Variants in CDHR5 observed in about 807,000 individuals in gnomAD.
CDHR5 encodes the protein cadherin related family member 5, also known as cadherin-related family member 5.
Under a neutral mutation model 69.5 loss-of-function variants are expected in CDHR5, and 82 were observed. The observed-to-expected ratio is 1.18, with a 90% CI of 0.99 to 1.42. The LOEUF (loss-of-function observed/expected upper bound fraction) is 1.42. CDHR5 is among the 40% of genes most tolerant of loss of function. The pLI is 0.00. For missense variants in CDHR5, 1,293 were observed against 1,168.9 expected (o/e 1.11, Z -1.55); for synonymous variants, 601 against 510.2 (o/e 1.18, Z -2.40).
chr11:621,643 G>A lies in CDHR5; in HGVS notation c.426C>T (p.Thr142=), dbSNP rs374442023. The A allele has an allele frequency of 2.8e-5, 45 of 1,613,360 alleles. No individual in the cohort carries two copies. In the African/African-American group the frequency reaches 3.9e-4, roughly 14 times the overall value. ...RVEEDTKVNS[T]VIPETQLQAE... ...CCTGCAGTTGCGTCTCGGGGATGAC[G>A]GTGGAGTTCACTTTCGTGTCCTGGG... The change falls in exon 5 of 15, where the codon ACC becomes ACT. Residue 142 remains threonine, a synonymous_variant. Transcript: ENST00000397542. The surrounding 1 kb of genome is among the most constrained non-coding windows in gnomAD (Gnocchi z 4.4).
chr11:619,266 T>A (rs757707044), intron 12 of CDHR5, 40 bp downstream of exon 12: 1 of 1,530,998 alleles, frequency 6.5e-7, no homozygotes, highest in Non-Finnish European at 9.0e-7. Flanking sequence ...AGGGGCTTAT[T>A]TGGAGAACCC....
rs1243459200 is a variant in CDHR5 at position 617,266 on chromosome 11, C to T, written c.*85G>A. ...ACGCCATGGCCTGGGTTTCGGGAGC[C>T]TTGCTTTATTCTGCCTCGGGTCGGA... On this transcript the variant is annotated 3_prime_UTR_variant, in exon 15 of 15. Coordinates refer to ENST00000397542, the MANE Select transcript of CDHR5 (RefSeq NM_021924.5). 8.6e-7 allele frequency: 1 copy of T among 1,158,034 alleles called. No homozygotes were observed. The highest frequency in any genetic ancestry group is 1.6e-5 in the African/African-American group (1 of 64,122). 71.7% of individuals were successfully genotyped at this position (1,158,034 alleles called of 1,614,324 possible). A position where few individuals can be genotyped will look rare whatever the true frequency, so the allele number is the denominator to read the frequency against.
Position 619,560 on chromosome 11 carries a change from T to A in CDHR5, c.1207A>T (p.Ile403Phe), listed in dbSNP as rs767520123. The A allele has an allele frequency of 6.2e-7, 1 of 1,613,880 alleles. No individual in the cohort carries two copies. Residue 403 changes from isoleucine (I) to phenylalanine (F), a missense_variant, in exon 11 of 15, where the codon ATT becomes TTT. Physicochemically the swap from Ile to Phe is conservative, Grantham distance 21 (BLOSUM62 0). Coordinates refer to ENST00000397542, the MANE Select transcript of CDHR5 (RefSeq NM_021924.5). The stretch of plus-strand genomic sequence containing the variant: ...ATCCGGAAGTGTGAGTGGTTGGTAA[T>A]TCGATATGTGATGGCCGAGTTGAGG... ...SDLNSAITYR[I>F]TNHSHFRMEG...
intron 13 of CDHR5, 121 bp downstream of exon 13, chr11:618,478 A>G (rs545734236): frequency 8.2e-7 from 1 of 1,217,120 alleles, no homozygotes; most frequent in African/African-American, 1.5e-5. Flanking sequence ...AGTCCCAAAC[A>G]GACTCCTCTT....
At position 620,380 on chromosome 11, in the gene CDHR5, G is replaced by A. The variant is rs990187520; in HGVS notation, c.796C>T (p.Pro266Ser). 2 of 1,604,606 alleles carry A rather than the reference G, an allele frequency of 1.2e-6. No homozygotes were observed. The highest frequency in any genetic ancestry group is 1.7e-6 in the Non-Finnish European group (2 of 1,173,896). ...AVPTGHILPS[P>S]LVLRPGPIYA... ...ATGGGTCCGGGACGCAGGACGAGGG[G>A]AGATGGCTTCAGGGATGGCGGAAGG... Residue 266 changes from proline to serine, a missense_variant, in exon 8 of 15, where the codon CCC becomes TCC. Coordinates refer to ENST00000397542, the MANE Select transcript of CDHR5 (RefSeq NM_021924.5).
Position 617,299 on chromosome 11 carries a change from G to A in CDHR5, c.*52C>T. 1 of 1,375,368 alleles carries A rather than the reference G, an allele frequency of 7.3e-7. No individual in the cohort carries two copies. 85.2% of individuals were successfully genotyped at this position (1,375,368 alleles called of 1,614,324 possible). A position where few individuals can be genotyped will look rare whatever the true frequency, so the allele number is the denominator to read the frequency against. The stretch of plus-strand genomic sequence containing the variant: ...ATTCTGCCTCGGGTCGGAGGCTGGG[G>A]GAGCGAGACCTCCAGTGCCCGTGCG... On this transcript the variant is annotated 3_prime_UTR_variant, in exon 15 of 15. Transcript: ENST00000397542.
intron 9 of CDHR5, 63 bp downstream of exon 9, chr11:620,004 C>T: frequency 1.1e-6 from 1 of 894,314 alleles, no homozygotes; most frequent in East Asian, 2.7e-5. Flanking sequence ...CCAGCCCTGA[C>T]CCCCCGCCCT....
In CDHR5 at chr11:620,286, C is replaced by T. The variant is rs1294491952; in HGVS notation, c.880+10G>A. ...GTACAGGGCATTGTTGAGGGCTGGG[C>T]CCCACTCACCCCTAAAGATGCTGTA... On this transcript the variant is annotated intron_variant, in intron 8 of 14. Transcript: ENST00000397542. The T allele has an allele frequency of 6.2e-7, 1 of 1,604,802 alleles. No individual in the cohort carries two copies.
chr11:623,613 C>G (rs993500091), intron 3 of CDHR5, among the ~76,000 whole-genome samples: 2 of 151,838 alleles, frequency 1.3e-5, no homozygotes, highest in African/African-American at 4.8e-5. Context: ...AGTGGAGCCT[C>G]TGCACAGTAT....
chr11:620,484 G>T, intron 7 of CDHR5, 98 bp from the exon 8 acceptor site: 1 of 804,058 alleles, frequency 1.2e-6, no homozygotes, highest in Non-Finnish European at 2.0e-6. Flanking sequence ...GTTGGCTGAG[G>T]AGGGGCCCAG....
chr11:618,638 A>C lies in CDHR5; in HGVS notation c.1921T>G (p.Ser641Ala). The C allele has an allele frequency of 6.2e-7, 1 of 1,612,478 alleles. No individual in the cohort carries two copies. The highest frequency in any genetic ancestry group is 1.1e-5 in the South Asian group (1 of 90,866). The stretch of plus-strand genomic sequence containing the variant: ...CTCTTGCTGAGGGGCATCGGCTGAG[A>C]GGTTCCTGGCTCTGGGGTCTGTGCT... ...GTAQTPEPGT[S>A]QPMPLSKSTP... Residue 641 changes from serine to alanine, a missense_variant, in exon 13 of 15, where the codon TCT (serine) becomes GCT (alanine). Physicochemically the swap from Ser to Ala is moderately conservative, Grantham distance 99. Coordinates refer to ENST00000397542, the MANE Select transcript of CDHR5 (RefSeq NM_021924.5).
chr11:618,639 G>A lies in CDHR5; in HGVS notation c.1920C>T (p.Thr640=). The A allele has an allele frequency of 6.2e-7, 1 of 1,612,596 alleles. No individual in the cohort carries two copies. Among genetic ancestry groups the A allele is most frequent in the Non-Finnish European group, 8.5e-7 (1 of 1,178,898 alleles). The change falls in exon 13 of 15, where the codon ACC becomes ACT. Residue 640 remains threonine (T), a synonymous_variant. Coordinates refer to ENST00000397542, the MANE Select transcript of CDHR5 (RefSeq NM_021924.5). ...GGTAQTPEPG[T]SQPMPLSKST... is the part of the protein sequence containing the mutation. Reference sequence around the variant, plus strand: ...TCTTGCTGAGGGGCATCGGCTGAGAGGTTCCTGGCTCTGGGGTCTGTGCTG... The same window carrying A: ...TCTTGCTGAGGGGCATCGGCTGAGAAGTTCCTGGCTCTGGGGTCTGTGCTG...
Position 619,104 on chromosome 11 carries a change from A to AG in CDHR5, c.1454dup (p.Glu486Ter), listed in dbSNP as rs1857189420. ...TCGTGGAGGGTCCCTGGGAGGGCTC[A>AG]GGGGGTCTGGGGACCTCGGAAGTGG... On this transcript the variant is annotated frameshift_variant, in exon 13 of 15. Transcript: ENST00000397542. LOFTEE classifies it high-confidence loss of function. The AG allele has an allele frequency of 6.2e-7, 1 of 1,607,414 alleles. No homozygotes were observed. The highest frequency in any genetic ancestry group is 8.5e-7 in the Non-Finnish European group (1 of 1,177,856).
Position 617,313 on chromosome 11 carries a change from A to G in CDHR5, c.*38T>C. 1 of 1,488,602 alleles carries G rather than the reference A, an allele frequency of 6.7e-7. No homozygotes were observed. 92.2% of individuals were successfully genotyped at this position (1,488,602 alleles called of 1,614,324 possible). On this transcript the variant is annotated 3_prime_UTR_variant, in exon 15 of 15. Coordinates refer to ENST00000397542, the MANE Select transcript of CDHR5 (RefSeq NM_021924.5). ...CGGAGGCTGGGGGAGCGAGACCTCC[A>G]GTGCCCGTGCGGCTGGGGGAGAGGG...
In CDHR5 at chr11:617,183, G is replaced by A. The variant is rs1023259258; in HGVS notation, c.*168C>T. 5 of 614,724 alleles carry A rather than the reference G, an allele frequency of 8.1e-6. No homozygotes were observed. Among genetic ancestry groups the A allele is most frequent in the Admixed American group, 3.0e-5 (1 of 33,632 alleles). The allele number at this position is 614,724 out of a possible 1,614,324, so 38.1% of individuals were successfully genotyped here. Reference sequence around the variant, plus strand: ...CTCATCTGCACACCTGGGCTCAAGCGCTAATGACGACAGGGGACTGAGTGA... The same window carrying A: ...CTCATCTGCACACCTGGGCTCAAGCACTAATGACGACAGGGGACTGAGTGA... On this transcript the variant is annotated 3_prime_UTR_variant, in exon 15 of 15. Transcript: ENST00000397542.
Position 621,819 on chromosome 11 carries a change from A to C in CDHR5, c.398T>G (p.Val133Gly). ...EFPFKTKEIR[V>G]EEDTKVNSTV... Reference sequence around the variant, plus strand: ...CGGCTTCGCTGGCCTCACCTCCTCCACCCTTATCTCCTTGGTCTTAAAGGG... The same window carrying C: ...CGGCTTCGCTGGCCTCACCTCCTCCCCCCTTATCTCCTTGGTCTTAAAGGG... The change falls in exon 4 of 15, where the codon GTG becomes GGG. Residue 133 changes from valine (V) to glycine (G), a missense_variant. By Grantham distance (109) the Val-to-Gly change is moderately radical. Transcript: ENST00000397542. This position sits in a 1 kb window ranked among gnomAD's most constrained non-coding sequence, Gnocchi z 4.4. 3 of 1,611,756 alleles carry C rather than the reference A, an allele frequency of 1.9e-6. No homozygotes were observed. Among genetic ancestry groups the C allele is most frequent in the Non-Finnish European group, 2.5e-6 (3 of 1,178,938 alleles).
In CDHR5 at chr11:621,304, C is replaced by T; in HGVS notation, c.618+41G>A. The T allele has an allele frequency of 1.9e-6, 3 of 1,611,496 alleles. No individual in the cohort carries two copies. The highest frequency in any genetic ancestry group is 2.5e-6 in the Non-Finnish European group (3 of 1,178,516). On this transcript the variant is annotated intron_variant, in intron 6 of 14. Coordinates refer to ENST00000397542, the MANE Select transcript of CDHR5 (RefSeq NM_021924.5). The surrounding 1 kb of genome is among the most constrained non-coding windows in gnomAD (Gnocchi z 4.4). ...CCTGGGAGCAGCTGGGGCCGGGGGG[C>T]CTCAAGTGTGTGGGACTCGGGGCTG... is the stretch of plus-strand genomic sequence containing the variant.
chr11:618,725 G>C lies in CDHR5; in HGVS notation c.1834C>G (p.Pro612Ala), dbSNP rs1376709005. The C allele has an allele frequency of 1.3e-6, 2 of 1,599,752 alleles. No homozygotes were observed. Among genetic ancestry groups the C allele is most frequent in the South Asian group, 1.1e-5 (1 of 89,848 alleles). The change falls in exon 13 of 15, where the codon CCG becomes GCG. Residue 612 changes from proline to alanine, a missense_variant. By Grantham distance (27) the Pro-to-Ala change is conservative (BLOSUM62 -1). Transcript: ENST00000397542. ...AQTPEAGTSQ[P>A]MPPGMGTSTS... is the part of the protein sequence containing the mutation. ...CTGGTTCCCATACCGGGGGGCATCG[G>C]CTGAGAGGTTCCTGCCTCTGGGGTC... is the stretch of plus-strand genomic sequence containing the variant.
rs776997889 is a variant in CDHR5, at chr11:617,425, C to T, written c.2464G>A (p.Gly822Ser). 60 of 1,612,166 alleles carry T rather than the reference C, an allele frequency of 3.7e-5. No homozygotes were observed. The highest frequency in any genetic ancestry group is 1.5e-4 in the South Asian group (14 of 91,044). The change falls in exon 15 of 15, where the codon GGC (glycine) becomes AGC (serine). Residue 822 changes from glycine to serine, a missense_variant. By Grantham distance (56) the Gly-to-Ser change is moderately conservative (BLOSUM62 0). Coordinates refer to ENST00000397542, the MANE Select transcript of CDHR5 (RefSeq NM_021924.5). The part of the protein sequence containing the change: ...DVDGASDSGS[G>S]DEGEGAGRGG... ...CTCCCCGCGCCCTCGCCCTCATCGC[C>T]GCTGCCGGAGTCACTGGCGCCATCC...
Sources: gnomAD v4.1 joint callset for allele counts (sites outside exome capture counted in the v4.1 genomes callset) on GRCh38, gnomAD v4.1.1 for gene constraint, Gnocchi (gnomAD v3.1) non-coding constraint, MANE v1.5 for transcripts, NCBI Gene and HGNC (gene_info 2026-07-23, HGNC 2026-07-21) for gene names.